DIS3L2: variants seen among roughly 807,000 people sequenced by gnomAD.
The protein encoded by DIS3L2 is DIS3 like 3'-5' exoribonuclease 2.
In DIS3L2, 34 loss-of-function variants were observed where a neutral mutation model predicts 97.5. The ratio of observed to expected loss-of-function variants is 0.35; its 90% CI spans 0.27 to 0.46. The LOEUF is 0.46. Ranked by LOEUF, DIS3L2 falls within the 20% of genes least tolerant of loss-of-function variation. The probability of loss-of-function intolerance (pLI) is 1.00; values close to 1 mark genes in which losing one functional copy is unlikely to be tolerated. For missense variants in DIS3L2, 1,038 were observed against 1,146.0 expected, an observed-to-expected ratio of 0.91 and a Z score of 1.36; for synonymous variants, 435 against 445.2, an observed-to-expected ratio of 0.98 and a Z score of 0.29.
At chr2:231,996,193 T>C (rs561190813) in intron 1 of DIS3L2, among the ~76,000 whole-genome samples, 3 of 152,380 alleles carry the variant, frequency 2.0e-5, no homozygotes, top group East Asian at 3.9e-4. Flanking sequence ...GGATGGTCTT[T>C]GGTCCAGGCA....
At chr2:232,116,212 A>T (rs950023169) in intron 6 of DIS3L2, among the ~76,000 whole-genome samples, 3 of 138,850 alleles carry the variant, frequency 2.2e-5, no homozygotes, top group African/African-American at 7.9e-5. Context: ...ATAAATAAAT[A>T]AATAAATAAA....
intron 1 of DIS3L2, among the ~76,000 whole-genome samples, chr2:231,973,641 G>T (rs745973791): frequency 6.6e-6 from 1 of 152,016 alleles, no homozygotes; most frequent in Admixed American, 6.6e-5. Flanking sequence ...ATCCTCCTGC[G>T]TAGACCTCCC....
chr2:232,100,774 T>G (rs1431894745), intron 6 of DIS3L2, among the ~76,000 whole-genome samples: 2 of 151,332 alleles, frequency 1.3e-5, no homozygotes, highest in East Asian at 3.9e-4. Flanking sequence ...GTCTATATTT[T>G]TAAATATTAC....
intron 10 of DIS3L2, among the ~76,000 whole-genome samples, chr2:232,218,294 A>G (rs962472997): frequency 1.3e-5 from 2 of 152,238 alleles, no homozygotes; most frequent in Non-Finnish European, 2.9e-5. Context: ...CATCACAGAT[A>G]GTATAGAGAA....
rs192999833 is a variant in DIS3L2, at chr2:232,231,956, G to A, written c.1205-6577G>A. Among the ~76,000 whole-genome samples the A allele has an allele frequency of 4.6e-5, 7 of 152,294 alleles. No individual in the cohort carries two copies. The East Asian group carries it at 1.4e-3, about 29-fold the overall frequency. ...CTAGGTCATCAGGGCAGGCCTGCCGGAGGAAGTGACTTTAGGTGGTAGTTT... is the reference window on the plus strand; with the variant it reads ...CTAGGTCATCAGGGCAGGCCTGCCGAAGGAAGTGACTTTAGGTGGTAGTTT... On this transcript the variant is annotated intron_variant, in intron 10 of 20. Coordinates refer to ENST00000325385, the MANE Select transcript of DIS3L2 (RefSeq NM_152383.5).
Position 232,263,434 on chromosome 2 carries a change from G to A in DIS3L2, c.1653G>A (p.Leu551=). ...QQRFVDGALR[L]DQLKLAFTLD... ...GCTTTGTGGACGGCGCACTTCGTTT[G>A]GATCAGGTCAGTACGTGTTTTTTTA... Residue 551 remains leucine (L), a synonymous_variant, in exon 13 of 21, where the codon TTG becomes TTA. Coordinates refer to ENST00000325385, the MANE Select transcript of DIS3L2 (RefSeq NM_152383.5). 1 of 1,614,160 alleles carries A rather than the reference G, an allele frequency of 6.2e-7. No individual in the cohort carries two copies.
At chr2:232,340,247 A>G (rs1469928984), downstream of DIS3L2, among the ~76,000 whole-genome samples, 1 of 152,190 alleles carries the variant, frequency 6.6e-6, no homozygotes, top group Non-Finnish European at 1.5e-5. Context: ...TCCCAGGCGT[A>G]GCTGACCTGA....
At chr2:232,197,127 T>C (rs1235659171) in intron 9 of DIS3L2, among the ~76,000 whole-genome samples, 1 of 152,168 alleles carries the variant, frequency 6.6e-6, no homozygotes, top group Non-Finnish European at 1.5e-5. Context: ...AAATACATTG[T>C]TCCTCAAATA....
chr2:232,160,615 G>A (rs949138121), intron 8 of DIS3L2, among the ~76,000 whole-genome samples: 1 of 152,032 alleles, frequency 6.6e-6, no homozygotes, highest in Non-Finnish European at 1.5e-5. Flanking sequence ...GTGGCTCAAA[G>A]CTGTAATCCC....
chr2:232,102,068 A>AG (rs1252269388), intron 6 of DIS3L2, among the ~76,000 whole-genome samples: 1 of 152,234 alleles, frequency 6.6e-6, no homozygotes, highest in Admixed American at 6.5e-5. Context: ...TAATTGGGAT[A>AG]GTCTGACATT....
chr2:232,244,400 G>A (rs1226578168), intron 11 of DIS3L2, among the ~76,000 whole-genome samples: 2 of 152,214 alleles, frequency 1.3e-5, no homozygotes, highest in African/African-American at 4.8e-5. Flanking sequence ...GGGACAGAGC[G>A]CTGCTCTTAA....
chr2:232,028,450 A>G (rs1694718664), intron 4 of DIS3L2, among the ~76,000 whole-genome samples: 1 of 152,124 alleles, frequency 6.6e-6, no homozygotes, highest in South Asian at 2.1e-4. Flanking sequence ...TGCAGTAGCT[A>G]TAGATTTTTG....
chr2:232,211,922 T>A (rs1692202178), intron 10 of DIS3L2, among the ~76,000 whole-genome samples: 1 of 152,136 alleles, frequency 6.6e-6, no homozygotes, highest in South Asian at 2.1e-4. Context: ...ATGCAGTGGC[T>A]CATTGCAGCC....
At chr2:232,333,799 A>C (rs1185647682) in intron 16 of DIS3L2, 41 bp from the exon 17 acceptor site, 2 of 1,560,678 alleles carry the variant, frequency 1.3e-6, no homozygotes, top group Non-Finnish European at 1.7e-6. Flanking sequence ...CTGGCTGGGC[A>C]GCTCTGGGCT....
chr2:232,127,296 T>G (rs1348617912), intron 6 of DIS3L2, among the ~76,000 whole-genome samples: 1 of 152,202 alleles, frequency 6.6e-6, no homozygotes, highest in African/African-American at 2.4e-5. Context: ...GAATTATTGA[T>G]CTTTACCCCT....
intron 9 of DIS3L2, among the ~76,000 whole-genome samples, chr2:232,206,105 G>A (rs984982879): frequency 6.6e-5 from 10 of 152,294 alleles, no homozygotes; most frequent in Middle Eastern, 3.4e-3. Context: ...GCAGTTCTTC[G>A]CATCTCCAAA....
At position 231,994,079 on chromosome 2, in the gene DIS3L2, G is replaced by GT. The variant is rs770565920; in HGVS notation, c.-93-20740dup. 4.3e-3 allele frequency among the ~76,000 whole-genome samples: 532 copies of GT among 123,340 alleles called. 5 individuals carry two copies. The highest frequency in any genetic ancestry group is 0.035 in the East Asian group (149 of 4,260). 80.9% of individuals were successfully genotyped at this position (123,340 alleles called of 152,430 possible). A position where few individuals can be genotyped will look rare whatever the true frequency, so the allele number is the denominator to read the frequency against. Reference sequence around the variant, plus strand: ...AGGCAAAGGTCAAGATTTTTTGTTGGTTTTTTTTTTTTTTTTGGTCTATTG... The same window carrying GT: ...AGGCAAAGGTCAAGATTTTTTGTTGGTTTTTTTTTTTTTTTTTGGTCTATTG... On this transcript the variant is annotated intron_variant, in intron 1 of 20. Transcript: ENST00000325385.
intron 1 of DIS3L2, among the ~76,000 whole-genome samples, chr2:231,976,616 G>A (rs1374136392): frequency 6.7e-6 from 1 of 148,338 alleles, no homozygotes; most frequent in Non-Finnish European, 1.5e-5. Context: ...GTAACAAAGC[G>A]AGACCCTCTC....
Position 232,267,546 on chromosome 2 carries a change from CAT to C in DIS3L2, c.1659+4109_1659+4110del, listed in dbSNP as rs1574982543. The stretch of plus-strand genomic sequence containing the variant: ...GATGTTTGTTTTATTTTATTTATAA[CAT>C]ATGTCTCTCATTTCTGAAAAGGGAG... On this transcript the variant is annotated intron_variant, in intron 13 of 20. Transcript: ENST00000325385. Among the ~76,000 whole-genome samples, 3 of 152,310 alleles carry C rather than the reference CAT, an allele frequency of 2.0e-5. No individual in the cohort carries two copies. In the East Asian group the frequency reaches 5.8e-4, roughly 29 times the overall value.
Sources: gnomAD v4.1 joint callset for allele counts (sites outside exome capture counted in the v4.1 genomes callset) on GRCh38, gnomAD v4.1.1 for gene constraint, MANE v1.5 for transcripts, NCBI Gene and HGNC (gene_info 2026-07-23, HGNC 2026-07-21) for gene names.